RELN: variants seen among roughly 807,000 people sequenced by gnomAD.
The protein encoded by RELN is reelin.
In RELN, 108 loss-of-function variants were observed where a neutral mutation model predicts 427.6. The observed-to-expected ratio is 0.25, with a 90% CI of 0.22 to 0.30. RELN has a LOEUF of 0.30. RELN is among the 10% of genes least tolerant of loss of function. RELN has a pLI of 1.00. For synonymous variants in RELN, 1,524 were observed against 1,513.4 expected (o/e 1.01, Z -0.16); for missense variants, 3,715 against 4,302.8 (o/e 0.86, Z 3.82).
intron 8 of RELN, among the ~76,000 whole-genome samples, chr7:103,706,064 A>G (rs1360927195): frequency 6.6e-6 from 1 of 152,150 alleles, no homozygotes; most frequent in Non-Finnish European, 1.5e-5. Flanking sequence ...TTTTTCCTCT[A>G]TACTTTCTTT....
intron 3 of RELN, among the ~76,000 whole-genome samples, chr7:103,784,544 C>G (rs1019258603): frequency 1.3e-5 from 2 of 152,082 alleles, no homozygotes; most frequent in African/African-American, 4.8e-5. Context: ...CAGAAATTTT[C>G]CTGGTTTTTC....
At chr7:103,691,548 C>T (rs537662392) in intron 10 of RELN, among the ~76,000 whole-genome samples, 1 of 152,248 alleles carries the variant, frequency 6.6e-6, no homozygotes, top group Admixed American at 6.5e-5. Flanking sequence ...AGCAGTGGCT[C>T]ACACCTGTAA....
intron 1 of RELN, among the ~76,000 whole-genome samples, chr7:103,971,945 C>T (rs1350730247): frequency 2.7e-5 from 4 of 150,884 alleles, no homozygotes; most frequent in African/African-American, 9.7e-5. Context: ...TGGTGGCCTG[C>T]CCCTGTAATC....
intron 4 of RELN, among the ~76,000 whole-genome samples, chr7:103,772,503 G>A (rs1424547068): frequency 6.6e-6 from 1 of 152,152 alleles, no homozygotes; most frequent in Non-Finnish European, 1.5e-5. Context: ...AGTGTTGAGA[G>A]CATTCCTATT....
intron 8 of RELN, among the ~76,000 whole-genome samples, chr7:103,706,264 G>C (rs1480633779): frequency 6.6e-6 from 1 of 151,792 alleles, no homozygotes; most frequent in East Asian, 1.9e-4. Flanking sequence ...AGGCTAGTAA[G>C]ACAGATTAGG....
intron 32 of RELN, 89 bp downstream of exon 32, chr7:103,566,512 C>G (rs1830755321): frequency 1.9e-6 from 3 of 1,593,150 alleles, no homozygotes; most frequent in South Asian, 2.2e-5. Flanking sequence ...TAGAAATTGA[C>G]AGCAAATTAA....
rs369470336 is a variant in RELN at position 103,624,680 on chromosome 7, G to A, written c.2702+5260C>T. Among the ~76,000 whole-genome samples the A allele has an allele frequency of 6.2e-4, 94 of 152,160 alleles. No individual in the cohort carries two copies. The East Asian group carries it at 6.8e-3, about 11-fold the overall frequency. On this transcript the variant is annotated intron_variant, in intron 20 of 64. Transcript: ENST00000428762. ...TGACCTCAGGTGATCCACCCGCCTCGGCCTCCCATTGGGATGACAGGTGTG... is the reference window on the plus strand; with the variant it reads ...TGACCTCAGGTGATCCACCCGCCTCAGCCTCCCATTGGGATGACAGGTGTG...
In RELN at chr7:103,561,959, C is replaced by CG; in HGVS notation, c.5211-7_5211-6insC. Reference sequence around the variant, plus strand: ...TGAACCGGGTCCTGGGAGAACTAACCAAAAAAAAAAAAAAAAAAACACACC... The same window carrying CG: ...TGAACCGGGTCCTGGGAGAACTAACCGAAAAAAAAAAAAAAAAAAACACACC... On this transcript the variant is annotated splice_region_variant and splice_polypyrimidine_tract_variant and intron_variant, in intron 34 of 64. Coordinates refer to ENST00000428762, the MANE Select transcript of RELN (RefSeq NM_005045.4). 7.6e-7 allele frequency: 1 copy of CG among 1,314,150 alleles called. No individual in the cohort carries two copies. Among genetic ancestry groups the CG allele is most frequent in the Admixed American group, 2.9e-5 (1 of 34,052 alleles). 81.4% of individuals were successfully genotyped at this position (1,314,150 alleles called of 1,614,324 possible).
At chr7:103,525,707 T>C (rs1829808879) in intron 46 of RELN, among the ~76,000 whole-genome samples, 1 of 152,116 alleles carries the variant, frequency 6.6e-6, no homozygotes, top group Non-Finnish European at 1.5e-5. Context: ...TTTTTTTTTT[T>C]TTAGACTATA....
At chr7:103,786,426 T>C (rs1404708823) in intron 3 of RELN, among the ~76,000 whole-genome samples, 1 of 150,046 alleles carries the variant, frequency 6.7e-6, no homozygotes, top group Non-Finnish European at 1.5e-5. Flanking sequence ...AACCCATCAA[T>C]GTGCTGTATT....
chr7:103,700,788 A>G (rs1834073329), intron 9 of RELN, 122 bp downstream of exon 9: 2 of 731,392 alleles, frequency 2.7e-6, no homozygotes, highest in East Asian at 2.5e-5. Context: ...AGAATTCAAC[A>G]TAATTAACAA....
chr7:103,941,163 A>G lies in RELN; in HGVS notation c.227-23978T>C, dbSNP rs150353652. 8.4e-3 allele frequency among the ~76,000 whole-genome samples: 1,279 copies of G among 152,286 alleles called. 19 individuals are homozygous for G. Among genetic ancestry groups the G allele is most frequent in the African/African-American group, 0.029 (1,195 of 41,548 alleles). On this transcript the variant is annotated intron_variant, in intron 1 of 64. Transcript: ENST00000428762. ...TTCTCTAAGACATACTACCCCTCAG[A>G]AGAGCTTAGACTTCCATAACTGTCA...
At chr7:103,722,923 A>AT (rs1422218289) in intron 8 of RELN, among the ~76,000 whole-genome samples, 2 of 152,214 alleles carry the variant, frequency 1.3e-5, no homozygotes, top group Non-Finnish European at 2.9e-5. Flanking sequence ...TATCTGCAGT[A>AT]TTTTTAATAC....
chr7:103,569,774 T>C lies in RELN; in HGVS notation c.4588+2410A>G, dbSNP rs1334004139. ...GGCAAAGAGCAATATACATATCTCATATCACTTGCTGAACCTCATTAGCCA... is the reference window on the plus strand; with the variant it reads ...GGCAAAGAGCAATATACATATCTCACATCACTTGCTGAACCTCATTAGCCA... On this transcript the variant is annotated intron_variant, in intron 31 of 64. Coordinates refer to ENST00000428762, the MANE Select transcript of RELN (RefSeq NM_005045.4). This position sits in a 1 kb window ranked among gnomAD's most constrained non-coding sequence, Gnocchi z 4.0. Among the ~76,000 whole-genome samples the C allele has an allele frequency of 1.3e-5, 2 of 152,224 alleles. No individual in the cohort carries two copies. The highest frequency in any genetic ancestry group is 6.5e-5 in the Admixed American group (1 of 15,276).
At chr7:103,747,152 C>G (rs748413539) in intron 6 of RELN, among the ~76,000 whole-genome samples, 9 of 151,846 alleles carry the variant, frequency 5.9e-5, no homozygotes, top group Non-Finnish European at 1.0e-4. Context: ...TCTCAGCAAA[C>G]TATCGCAAGG....
intron 51 of RELN, among the ~76,000 whole-genome samples, chr7:103,506,644 C>G (rs1463020449): frequency 1.8e-5 from 2 of 113,242 alleles, no homozygotes; most frequent in Admixed American, 7.7e-5. Context: ...TTTGGATAAA[C>G]TGCATAACTA....
chr7:103,872,195 C>A (rs1414903983), intron 2 of RELN, among the ~76,000 whole-genome samples: 1 of 123,480 alleles, frequency 8.1e-6, no homozygotes, highest in South Asian at 3.3e-4. Context: ...GTATATCTCC[C>A]AATGCTATCC....
chr7:103,779,130 T>C (rs1791822220), intron 3 of RELN, among the ~76,000 whole-genome samples: 2 of 152,208 alleles, frequency 1.3e-5, no homozygotes, highest in Admixed American at 1.3e-4. Flanking sequence ...ATCAGCAGTT[T>C]TCCAAATGTG....
rs1221545089 is a variant in RELN at position 103,566,825 on chromosome 7, T to C, written c.4589-66A>G. 9.3e-6 allele frequency: 14 copies of C among 1,511,232 alleles called. No individual in the cohort carries two copies. In the South Asian group the frequency reaches 1.2e-4, roughly 13 times the overall value. 93.6% of individuals were successfully genotyped at this position (1,511,232 alleles called of 1,614,324 possible). A position where few individuals can be genotyped will look rare whatever the true frequency, so the allele number is the denominator to read the frequency against. On this transcript the variant is annotated intron_variant, in intron 31 of 64. Coordinates refer to ENST00000428762, the MANE Select transcript of RELN (RefSeq NM_005045.4). ...CTAGAGGGGAAGGAACAGTATTTCT[T>C]AAATGGTGAGACTGCAGCAACCTCA...
Sources: allele counts gnomAD v4.1 joint callset (sites outside exome capture counted in the v4.1 genomes callset), GRCh38; gene constraint gnomAD v4.1.1; non-coding constraint Gnocchi (gnomAD v3.1); transcripts MANE v1.5; gene names NCBI Gene and HGNC (gene_info 2026-07-23, HGNC 2026-07-21).